The following KCNH1 variants were observed in gnomAD, a reference collection of about 807,000 sequenced individuals.
The protein encoded by KCNH1 is potassium voltage-gated channel subfamily H member 1.
In KCNH1, 27 loss-of-function variants were observed where a neutral mutation model predicts 69.2. That is an observed-to-expected ratio of 0.39 (90% CI 0.29 to 0.54). The LOEUF (loss-of-function observed/expected upper bound fraction) is 0.54. Among genes scored for constraint, KCNH1 ranks in the 20% least tolerant of loss-of-function variants. KCNH1 has a pLI of 0.68. For missense variants in KCNH1, 798 were observed against 1,261.6 expected (o/e 0.63, Z 5.57); for synonymous variants, 456 against 487.7 (o/e 0.93, Z 0.86).
intron 6 of KCNH1, among the ~76,000 whole-genome samples, chr1:210,991,302 G>A (rs114504735): frequency 6.6e-6 from 1 of 152,124 alleles, no homozygotes; most frequent in African/African-American, 2.4e-5. Context: ...CTTGTCATTT[G>A]CAACACCATG....
At chr1:210,876,731 A>C (rs1432021076) in intron 7 of KCNH1, among the ~76,000 whole-genome samples, 1 of 152,106 alleles carries the variant, frequency 6.6e-6, no homozygotes, top group African/African-American at 2.4e-5. Flanking sequence ...TGTTCCTTCA[A>C]GGAGCCATAA....
At position 210,683,425 on chromosome 1, in the gene KCNH1, G is replaced by A. The variant is rs773997239; in HGVS notation, c.2826C>T (p.Ala942=). The change falls in exon 11 of 11, where the codon GCC becomes GCT. Residue 942 remains alanine, a synonymous_variant. Coordinates refer to ENST00000271751, the MANE Select transcript of KCNH1 (RefSeq NM_172362.3). The surrounding 1 kb of genome is among the most constrained non-coding windows in gnomAD (Gnocchi z 5.7). Reference sequence around the variant, plus strand: ...GCTGTTTCTCAATATTGGTCATTTTGGCGTTTAAGGCCTTGATGTCCTCCT... The same window carrying A: ...GCTGTTTCTCAATATTGGTCATTTTAGCGTTTAAGGCCTTGATGTCCTCCT... ...ELKEDIKALN[A]KMTNIEKQLS... is the part of the protein sequence containing the mutation. The A allele has an allele frequency of 6.2e-7, 1 of 1,614,108 alleles. No homozygotes were observed. The highest frequency in any genetic ancestry group is 8.5e-7 in the Non-Finnish European group (1 of 1,180,022).
chr1:210,960,403 G>A (rs1688270996), intron 6 of KCNH1, among the ~76,000 whole-genome samples: 1 of 152,198 alleles, frequency 6.6e-6, no homozygotes, highest in South Asian at 2.1e-4. Flanking sequence ...TCACCACTTT[G>A]TAATCTCCCA....
intron 6 of KCNH1, among the ~76,000 whole-genome samples, chr1:210,927,228 G>T (rs899026095): frequency 2.0e-5 from 3 of 152,028 alleles, no homozygotes; most frequent in Non-Finnish European, 2.9e-5. Flanking sequence ...ACACCAAGAG[G>T]AGTCATTGGG....
intron 10 of KCNH1, among the ~76,000 whole-genome samples, chr1:210,747,562 AG>A (rs1407795062): frequency 6.6e-6 from 1 of 152,016 alleles, no homozygotes; most frequent in Non-Finnish European, 1.5e-5. Context: ...AGATTTAATG[AG>A]CAGATTAATA....
intron 8 of KCNH1, among the ~76,000 whole-genome samples, chr1:210,798,416 G>T (rs1289036270): frequency 6.6e-6 from 1 of 152,182 alleles, no homozygotes; most frequent in Admixed American, 6.5e-5. Context: ...CAGCAAGATA[G>T]TAAACACAAA....
chr1:210,838,828 T>A (rs1453048393), intron 7 of KCNH1, among the ~76,000 whole-genome samples: 1 of 152,142 alleles, frequency 6.6e-6, no homozygotes, highest in Non-Finnish European at 1.5e-5. Flanking sequence ...ACATCACTAA[T>A]CATTAGAGAA....
intron 7 of KCNH1, among the ~76,000 whole-genome samples, chr1:210,852,924 A>G (rs907899306): frequency 3.3e-5 from 5 of 152,132 alleles, no homozygotes; most frequent in Admixed American, 3.3e-4. Context: ...TTCACATCAC[A>G]TCTTATCTGA....
intron 6 of KCNH1, among the ~76,000 whole-genome samples, chr1:210,976,063 A>G (rs1156258641): frequency 6.6e-6 from 1 of 152,230 alleles, no homozygotes; most frequent in Non-Finnish European, 1.5e-5. Flanking sequence ...ACCATCTCAC[A>G]CCAGTTAGAA....
At chr1:210,765,128 T>C (rs1683600402) in intron 10 of KCNH1, among the ~76,000 whole-genome samples, 1 of 152,068 alleles carries the variant, frequency 6.6e-6, no homozygotes, top group Non-Finnish European at 1.5e-5. Flanking sequence ...TACCACATGT[T>C]CTCACTTACA....
chr1:211,082,928 G>A (rs780295327), intron 4 of KCNH1, 30 bp from the exon 5 acceptor site: 3 of 1,570,268 alleles, frequency 1.9e-6, no homozygotes, highest in African/African-American at 1.4e-5. Flanking sequence ...GAAAAGACAG[G>A]GTCAACCACA....
intron 1 of KCNH1, among the ~76,000 whole-genome samples, chr1:211,123,637 A>G (rs1047540540): frequency 1.3e-5 from 2 of 152,190 alleles, no homozygotes; most frequent in Non-Finnish European, 2.9e-5. Flanking sequence ...AGGCAGGAAG[A>G]CAGACAGATG....
At chr1:211,060,227 C>G (rs1026498288) in intron 5 of KCNH1, among the ~76,000 whole-genome samples, 16 of 151,200 alleles carry the variant, frequency 1.1e-4, no homozygotes, top group African/African-American at 3.9e-4. Flanking sequence ...TGGGATACAG[C>G]AAAAGCACTA....
intron 7 of KCNH1, among the ~76,000 whole-genome samples, chr1:210,917,280 AAAAG>A (rs1558524902): frequency 1.4e-5 from 2 of 142,578 alleles, no homozygotes; most frequent in Non-Finnish European, 3.1e-5. Flanking sequence ...AGAAAGAAAG[AAAAG>A]AAAAGAAAGA....
intron 7 of KCNH1, among the ~76,000 whole-genome samples, chr1:210,874,297 A>G (rs558556460): frequency 6.6e-6 from 1 of 152,354 alleles, no homozygotes; most frequent in Non-Finnish European, 1.5e-5. Context: ...ACATTAAGAC[A>G]TCTCACAATG....
chr1:211,023,830 A>G (rs1055558099), intron 5 of KCNH1, among the ~76,000 whole-genome samples: 2 of 152,222 alleles, frequency 1.3e-5, no homozygotes, highest in Non-Finnish European at 2.9e-5. Context: ...ATGTGCATCA[A>G]TAAAAATCGT....
chr1:211,095,292 A>G (rs1691128613), intron 3 of KCNH1, among the ~76,000 whole-genome samples: 1 of 152,192 alleles, frequency 6.6e-6, no homozygotes, highest in African/African-American at 2.4e-5. Flanking sequence ...TAAATCCTTT[A>G]TTGAAGAAAG....
chr1:210,858,382 C>T (rs537508361), intron 7 of KCNH1: 3 of 152,230 alleles, frequency 2.0e-5, no homozygotes, highest in African/African-American at 7.2e-5. Flanking sequence ...AATTCAAGTC[C>T]CTGTCAGAAG....
chr1:211,070,894 C>T (rs1467734211), intron 5 of KCNH1, among the ~76,000 whole-genome samples: 1 of 151,942 alleles, frequency 6.6e-6, no homozygotes, highest in African/African-American at 2.4e-5. Flanking sequence ...ACAGTTGGCC[C>T]TTGAACAATG....
Sources: allele counts gnomAD v4.1 joint callset (sites outside exome capture counted in the v4.1 genomes callset), GRCh38; gene constraint gnomAD v4.1.1; non-coding constraint Gnocchi (gnomAD v3.1); transcripts MANE v1.5; gene names NCBI Gene and HGNC (gene_info 2026-07-23, HGNC 2026-07-21).